The following FAF1 variants were observed in gnomAD, a reference collection of about 807,000 sequenced individuals.
FAF1 encodes FAS-associated factor 1.
Under a neutral mutation model 92.5 loss-of-function variants are expected in FAF1, and 25 were observed. The ratio of observed to expected loss-of-function variants is 0.27; its 90% confidence interval spans 0.20 to 0.38. The LOEUF (loss-of-function observed/expected upper bound fraction) is 0.38, where lower values mean the gene tolerates loss of function less well. Ranked by LOEUF, FAF1 falls within the 10% of genes least tolerant of loss-of-function variation. FAF1 has a pLI of 1.00. For missense variants in FAF1, 636 were observed against 793.3 expected (o/e 0.80, Z 2.38); for synonymous variants, 234 against 273.2 (o/e 0.86, Z 1.42).
chr1:50,912,456 T>A (rs577448493), intron 1 of FAF1, among the ~76,000 whole-genome samples: 3 of 152,156 alleles, frequency 2.0e-5, no homozygotes, highest in African/African-American at 7.2e-5. Flanking sequence ...ACCTGCCCCA[T>A]CTAGGTGGTG....
chr1:50,738,744 G>GT (rs1162949727), intron 6 of FAF1, 119 bp downstream of exon 6: 1 of 657,226 alleles, frequency 1.5e-6, no homozygotes, highest in Non-Finnish European at 2.7e-6. Context: ...ATAGTAGTTG[G>GT]TAAGGTCAAT....
chr1:50,915,921 T>C (rs545144723), intron 1 of FAF1, among the ~76,000 whole-genome samples: 22 of 152,078 alleles, frequency 1.4e-4, no homozygotes, highest in East Asian at 3.9e-4. Context: ...CCTTTTTTTT[T>C]CCCCTAAAGC....
chr1:50,562,846 T>C (rs1649992143), intron 13 of FAF1, among the ~76,000 whole-genome samples: 1 of 152,186 alleles, frequency 6.6e-6, no homozygotes, highest in South Asian at 2.1e-4. Context: ...GTCTTCTGCA[T>C]CTGTGGGTTC....
chr1:50,700,588 T>C (rs1338151456), intron 7 of FAF1, among the ~76,000 whole-genome samples: 1 of 152,126 alleles, frequency 6.6e-6, no homozygotes, highest in East Asian at 1.9e-4. Context: ...TTTTCTTGCA[T>C]ATAAAAAAAT....
intron 8 of FAF1, among the ~76,000 whole-genome samples, chr1:50,623,816 G>A (rs766662922): frequency 9.9e-5 from 15 of 151,680 alleles, no homozygotes; most frequent in South Asian, 2.1e-4. Flanking sequence ...GGTGGTATGC[G>A]CCTGTAGTCA....
intron 9 of FAF1, among the ~76,000 whole-genome samples, chr1:50,594,666 T>A (rs1350965360): frequency 6.6e-6 from 1 of 150,668 alleles, no homozygotes; most frequent in African/African-American, 2.4e-5. Flanking sequence ...AGGTCAGGAG[T>A]TCGAGACCAG....
chr1:50,742,490 TC>T (rs1659429238), intron 5 of FAF1, among the ~76,000 whole-genome samples: 1 of 152,048 alleles, frequency 6.6e-6, no homozygotes, highest in Admixed American at 6.6e-5. Context: ...TTCAAGCGAT[TC>T]TTGTGCCTCA....
intron 3 of FAF1, among the ~76,000 whole-genome samples, chr1:50,799,836 C>T (rs1471740675): frequency 3.9e-5 from 6 of 152,136 alleles, no homozygotes; most frequent in Admixed American, 6.6e-5. Context: ...TTTCCAGCAT[C>T]GTGCCTTCTA....
intron 8 of FAF1, among the ~76,000 whole-genome samples, chr1:50,624,925 C>G: frequency 8.0e-6 from 1 of 124,418 alleles, no homozygotes; most frequent in Non-Finnish European, 1.6e-5. Context: ...TTTTGAGAAG[C>G]AGTTTTGCTC....
intron 17 of FAF1, among the ~76,000 whole-genome samples, chr1:50,476,601 T>C (rs1321777050): frequency 1.3e-5 from 2 of 152,196 alleles, no homozygotes; most frequent in Non-Finnish European, 2.9e-5. Flanking sequence ...CACTAAAACC[T>C]TTTTTGTCTA....
chr1:50,593,773 G>C (rs1399226156), intron 9 of FAF1, among the ~76,000 whole-genome samples: 4 of 152,146 alleles, frequency 2.6e-5, no homozygotes. Context: ...ATTTTCACAG[G>C]ATGATTATAG....
At chr1:50,482,260 T>C (rs1209878362) in intron 17 of FAF1, among the ~76,000 whole-genome samples, 1 of 152,186 alleles carries the variant, frequency 6.6e-6, no homozygotes, top group Non-Finnish European at 1.5e-5. Flanking sequence ...CTTAGCATAA[T>C]ATATTTGAGA....
intron 2 of FAF1, among the ~76,000 whole-genome samples, chr1:50,826,444 G>A (rs1227278710): frequency 1.3e-5 from 2 of 152,166 alleles, no homozygotes; most frequent in African/African-American, 2.4e-5. Flanking sequence ...CAGCTACTCA[G>A]GAGGCCAAGG....
intron 9 of FAF1, among the ~76,000 whole-genome samples, chr1:50,588,417 A>C (rs549782764): frequency 1.3e-5 from 2 of 152,248 alleles, no homozygotes; most frequent in East Asian, 3.9e-4. Context: ...ATTCCTTATG[A>C]TCCTTGTATT....
At chr1:50,890,076 T>G (rs889722668) in intron 1 of FAF1, among the ~76,000 whole-genome samples, 3 of 152,234 alleles carry the variant, frequency 2.0e-5, no homozygotes, top group Non-Finnish European at 4.4e-5. Flanking sequence ...ATATTTAGGA[T>G]AGTTAGCTCT....
chr1:50,580,310 C>T (rs1035166469), intron 12 of FAF1, among the ~76,000 whole-genome samples: 2 of 151,656 alleles, frequency 1.3e-5, no homozygotes, highest in African/African-American at 4.8e-5. Context: ...ATTTATTCAT[C>T]AAAATCACAA....
chr1:50,655,554 T>C (rs1655069909), intron 7 of FAF1, 26 bp from the exon 8 acceptor site: 1 of 1,420,090 alleles, frequency 7.0e-7, no homozygotes, highest in Non-Finnish European at 9.9e-7. Flanking sequence ...AACAGGACAA[T>C]TAAAATAGAA....
chr1:50,560,674 A>G (rs1237578362), intron 13 of FAF1, among the ~76,000 whole-genome samples: 1 of 152,242 alleles, frequency 6.6e-6, no homozygotes, highest in East Asian at 1.9e-4. Context: ...CAGCACTCAT[A>G]GCCAGCTGAT....
At chr1:50,783,764 A>G (rs1661264988) in intron 4 of FAF1, among the ~76,000 whole-genome samples, 2 of 152,134 alleles carry the variant, frequency 1.3e-5, no homozygotes, top group South Asian at 4.1e-4. Flanking sequence ...AATCACAGCT[A>G]CTGAGGGGGC....
Sources: gnomAD v4.1 joint callset for allele counts (sites outside exome capture counted in the v4.1 genomes callset) on GRCh38, gnomAD v4.1.1 for gene constraint, MANE v1.5 for transcripts, NCBI Gene and HGNC (gene_info 2026-07-23, HGNC 2026-07-21) for gene names.